The following CRHR1 variants were observed in gnomAD, a reference collection of about 807,000 sequenced individuals.
The protein encoded by CRHR1 is corticotropin releasing hormone receptor 1, also known as corticotropin-releasing hormone receptor 1.
In CRHR1, 28 loss-of-function variants were observed where a neutral mutation model predicts 56.0. The observed-to-expected ratio is 0.50, with a 90% CI of 0.37 to 0.69. CRHR1 has a LOEUF of 0.69. Ranked by LOEUF, CRHR1 falls within the 30% of genes least tolerant of loss-of-function variation. The pLI is 0.00. For synonymous variants in CRHR1, 195 were observed against 216.5 expected, an observed-to-expected ratio of 0.90 and a Z score of 0.87; for missense variants, 376 against 548.0, an observed-to-expected ratio of 0.69 and a Z score of 3.13.
At chr17:45,810,623 C>A (rs1433362213) in intron 2 of CRHR1, among the ~76,000 whole-genome samples, 1 of 152,112 alleles carries the variant, frequency 6.6e-6, no homozygotes, top group Non-Finnish European at 1.5e-5. Flanking sequence ...TGCAGTTTTC[C>A]GTACCCACAC....
In CRHR1 at chr17:45,822,021, T is replaced by C. The variant is rs1481769845; in HGVS notation, c.327+581T>C. ...CTGGATTCCCTCCCAGAGGCAACCA[T>C]TTTGCCAATTTCACAAGTGTCCTTC... On this transcript the variant is annotated intron_variant, in intron 4 of 12. Coordinates refer to ENST00000314537, the MANE Select transcript of CRHR1 (RefSeq NM_004382.5). 2.1e-5 allele frequency among the ~76,000 whole-genome samples: 3 copies of C among 145,554 alleles called. No homozygotes were observed. In the East Asian group the frequency reaches 6.9e-4, roughly 33 times the overall value.
chr17:45,814,036 G>T (rs1407192916), intron 2 of CRHR1, among the ~76,000 whole-genome samples: 1 of 152,240 alleles, frequency 6.6e-6, no homozygotes, highest in Non-Finnish European at 1.5e-5. Context: ...TGTGGCTGGT[G>T]CCCAGTCCTT....
In CRHR1 at chr17:45,801,238, G is replaced by T. The variant is rs554597377; in HGVS notation, c.34-5772G>T. 2.2e-3 allele frequency among the ~76,000 whole-genome samples: 328 copies of T among 152,268 alleles called. 3 individuals are homozygous for T. The highest frequency in any genetic ancestry group is 3.7e-3 in the Non-Finnish European group (249 of 68,024). ...CACTGCCCATCCCTTCTTCCAAGGC[G>T]CTGTCTTGACCTGCGCCTGGCCAGC... On this transcript the variant is annotated intron_variant, in intron 1 of 12. Transcript: ENST00000314537.
At chr17:45,797,360 G>C (rs1017317085) in intron 1 of CRHR1, among the ~76,000 whole-genome samples, 5 of 136,014 alleles carry the variant, frequency 3.7e-5, no homozygotes, top group Non-Finnish European at 1.5e-5. Flanking sequence ...GCACGATCTC[G>C]GCTCACTGCA....
intron 4 of CRHR1, among the ~76,000 whole-genome samples, chr17:45,828,472 A>C (rs1206866236): frequency 5.3e-5 from 8 of 152,202 alleles, no homozygotes; most frequent in Middle Eastern, 3.2e-3. Flanking sequence ...AGGCTTCACC[A>C]CTCTTGGAAC....
chr17:45,834,487 C>T, intron 12 of CRHR1, 137 bp from the exon 13 acceptor site: 1 of 931,758 alleles, frequency 1.1e-6, no homozygotes, highest in East Asian at 2.7e-5. Flanking sequence ...CTGTGAGTGT[C>T]ATCCCCTACT....
Position 45,834,988 on chromosome 17 carries a change from T to C in CRHR1, c.*224T>C, listed in dbSNP as rs2062407928. ...ACAGGACTGGGCCGGGCCCAGGGCC[T>C]CTGGCTTCCCTGCCCAATCCTCCCT... On this transcript the variant is annotated 3_prime_UTR_variant, in exon 13 of 13. Coordinates refer to ENST00000314537, the MANE Select transcript of CRHR1 (RefSeq NM_004382.5). 4 of 596,230 alleles carry C rather than the reference T, an allele frequency of 6.7e-6. No homozygotes were observed. The highest frequency in any genetic ancestry group is 1.9e-5 in the African/African-American group (1 of 53,972). The allele number at this position is 596,230 out of a possible 1,614,324, so 36.9% of individuals were successfully genotyped here.
chr17:45,788,093 C>T (rs997434160), intron 1 of CRHR1, among the ~76,000 whole-genome samples: 7 of 152,256 alleles, frequency 4.6e-5, no homozygotes, highest in African/African-American at 1.7e-4. Context: ...AAGCATCAAC[C>T]TCCAGGTTCA....
chr17:45,786,338 G>A (rs2061335682), intron 1 of CRHR1, among the ~76,000 whole-genome samples: 1 of 152,030 alleles, frequency 6.6e-6, no homozygotes, highest in South Asian at 2.1e-4. Flanking sequence ...GATGAATGTG[G>A]GGCAGTGAGT....
chr17:45,793,593 C>T (rs746205853), intron 1 of CRHR1, among the ~76,000 whole-genome samples: 1 of 152,192 alleles, frequency 6.6e-6, no homozygotes, highest in Admixed American at 6.5e-5. Flanking sequence ...CTCCAGCTCC[C>T]TGTGAGTCGG....
rs371179298 is a variant in CRHR1, at chr17:45,829,861, C to G, written c.435-233C>G. Among the ~76,000 whole-genome samples, 6 of 152,144 alleles carry G rather than the reference C, an allele frequency of 3.9e-5. No homozygotes were observed. In the East Asian group the frequency reaches 9.7e-4, roughly 25 times the overall value. On this transcript the variant is annotated intron_variant, in intron 5 of 12. Transcript: ENST00000314537. ...GCCCTGGTCCATGGAGCACAGGCTC[C>G]ATGGAGTGCCAGGCTCTGCCTGGGG...
chr17:45,831,536 T>G (rs2062309646), intron 8 of CRHR1, among the ~76,000 whole-genome samples: 1 of 152,150 alleles, frequency 6.6e-6, no homozygotes, highest in African/African-American at 2.4e-5. Flanking sequence ...TCTGCTGCAG[T>G]GGAGCTCAAC....
At chr17:45,799,726 C>A (rs909599543) in intron 1 of CRHR1, 1 of 152,220 alleles carries the variant, frequency 6.6e-6, no homozygotes, top group African/African-American at 2.4e-5. Flanking sequence ...TCTCCCAGGC[C>A]AGGGAAGGCA....
chr17:45,830,411 T>G lies in CRHR1; in HGVS notation c.556-6T>G. On this transcript the variant is annotated splice_region_variant and splice_polypyrimidine_tract_variant and intron_variant, in intron 6 of 12. Coordinates refer to ENST00000314537, the MANE Select transcript of CRHR1 (RefSeq NM_004382.5). Reference sequence around the variant, plus strand: ...TCATCATCTCTGGTTGGGGGTGGGGTGGCAGGGCTGGTGCAGGTTGGTGAC... The same window carrying G: ...TCATCATCTCTGGTTGGGGGTGGGGGGGCAGGGCTGGTGCAGGTTGGTGAC... 1 of 1,600,344 alleles carries G rather than the reference T, an allele frequency of 6.2e-7. No individual in the cohort carries two copies. The highest frequency in any genetic ancestry group is 1.1e-5 in the South Asian group (1 of 88,954).
chr17:45,792,162 G>A (rs146757019), intron 1 of CRHR1, among the ~76,000 whole-genome samples: 11 of 152,284 alleles, frequency 7.2e-5, no homozygotes, highest in Middle Eastern at 3.4e-3. Flanking sequence ...GAGCCCGAGA[G>A]ACTCAGCCAC....
At chr17:45,816,690 T>G in intron 3 of CRHR1, 108 bp downstream of exon 3, 97 of 1,523,358 alleles carry the variant, frequency 6.4e-5, no homozygotes, top group South Asian at 8.6e-5. Context: ...GTAATACCTC[T>G]TGTGGGGATC....
intron 1 of CRHR1, among the ~76,000 whole-genome samples, chr17:45,793,535 T>C (rs1288820926): frequency 6.6e-6 from 1 of 152,208 alleles, no homozygotes; most frequent in Non-Finnish European, 1.5e-5. Flanking sequence ...CCAAGAGCAC[T>C]GGCATTCCTG....
At chr17:45,830,284 T>C in intron 6 of CRHR1, 70 bp downstream of exon 6, 2 of 1,492,262 alleles carry the variant, frequency 1.3e-6, no homozygotes, top group South Asian at 2.3e-5. Context: ...CCGCCTGCCC[T>C]GCAGAGGAGG....
chr17:45,829,640 G>A lies in CRHR1; in HGVS notation c.434+319G>A, dbSNP rs1446764294. The A allele has an allele frequency of 5.2e-6, 8 of 1,550,958 alleles. No homozygotes were observed. The Admixed American group carries it at 1.6e-4, about 30-fold the overall frequency. The stretch of plus-strand genomic sequence containing the variant: ...TCCATGGAGTGGTGCCCCATTTCAG[G>A]TTCGAAGGTACCTGGGCCCCAGCAC... On this transcript the variant is annotated intron_variant, in intron 5 of 12. Coordinates refer to ENST00000314537, the MANE Select transcript of CRHR1 (RefSeq NM_004382.5).
Sources: gnomAD v4.1 joint callset for allele counts (sites outside exome capture counted in the v4.1 genomes callset) on GRCh38, gnomAD v4.1.1 for gene constraint, MANE v1.5 for transcripts, NCBI Gene and HGNC (gene_info 2026-07-23, HGNC 2026-07-21) for gene names.